The following PIK3C2G variants were observed in gnomAD, a reference collection of about 807,000 sequenced individuals.
PIK3C2G encodes the protein phosphatidylinositol-4-phosphate 3-kinase catalytic subunit type 2 gamma, also known as phosphatidylinositol 3-kinase C2 domain-containing subunit gamma.
Under a neutral mutation model 181.1 loss-of-function variants are expected in PIK3C2G, and 168 were observed. The observed-to-expected ratio is 0.93, with a 90% confidence interval of 0.82 to 1.05. The LOEUF (loss-of-function observed/expected upper bound fraction) is 1.05. Among genes scored for constraint, PIK3C2G ranks in the 50% least tolerant of loss-of-function variants. The pLI, the probability that PIK3C2G is intolerant of heterozygous loss-of-function variation, is 0.00. For missense variants in PIK3C2G, 1,869 were observed against 1,732.8 expected, an observed-to-expected ratio of 1.08 and a Z score of -1.40; for synonymous variants, 573 against 592.2, an observed-to-expected ratio of 0.97 and a Z score of 0.47.
the PIK3C2G span, among the ~76,000 whole-genome samples, chr12:18,690,756 G>C: frequency 4.6e-5 from 7 of 152,196 alleles, no homozygotes; most frequent in South Asian, 1.5e-3. Flanking sequence ...GGCAGGTAAG[G>C]CTGAAAGAAT....
intron 31 of PIK3C2G, among the ~76,000 whole-genome samples, chr12:18,624,982 A>G (rs978331952): frequency 6.6e-6 from 1 of 151,576 alleles, no homozygotes; most frequent in East Asian, 1.9e-4. Flanking sequence ...TTAAAAGCCA[A>G]ACTCTGAGTT....
At chr12:18,721,850 G>A in the PIK3C2G span, among the ~76,000 whole-genome samples, 1 of 151,886 alleles carries the variant, frequency 6.6e-6, no homozygotes, top group Non-Finnish European at 1.5e-5. Context: ...TTGTCACTAA[G>A]ACTCAACTCA....
chr12:18,299,103 A>G (rs142633664), intron 5 of PIK3C2G, among the ~76,000 whole-genome samples: 63 of 152,062 alleles, frequency 4.1e-4, no homozygotes, highest in Middle Eastern at 6.8e-3. Context: ...TGGTAATTTG[A>G]TAAGAATTGC....
intron 5 of PIK3C2G, among the ~76,000 whole-genome samples, chr12:18,306,537 A>T (rs910469786): frequency 6.6e-6 from 1 of 152,106 alleles, no homozygotes; most frequent in South Asian, 2.1e-4. Flanking sequence ...TTGAGCACAA[A>T]ATCCAGGGCT....
At chr12:18,616,040 T>C (rs1350442601) in intron 31 of PIK3C2G, among the ~76,000 whole-genome samples, 3 of 152,066 alleles carry the variant, frequency 2.0e-5, no homozygotes, top group Non-Finnish European at 4.4e-5. Flanking sequence ...CATACATCTA[T>C]TTACCTTCTA....
the PIK3C2G span, chr12:18,693,348 G>T: frequency 6.3e-7 from 1 of 1,590,314 alleles, no homozygotes; most frequent in Non-Finnish European, 8.6e-7. Flanking sequence ...TGGGGGGTTG[G>T]ACAACCAAAT....
chr12:18,723,531 C>A, the PIK3C2G span: 1 of 1,611,768 alleles, frequency 6.2e-7, no homozygotes, highest in Non-Finnish European at 8.5e-7. Flanking sequence ...CTTGTTTCAG[C>A]CTGTCATTGT....
intron 24 of PIK3C2G, among the ~76,000 whole-genome samples, chr12:18,513,104 C>T (rs539848126): frequency 5.3e-5 from 8 of 151,588 alleles, no homozygotes; most frequent in Admixed American, 1.3e-4. Flanking sequence ...ATTTATTAAT[C>T]TGGGTATGTT....
At chr12:18,594,855 A>C (rs1372124972) in intron 30 of PIK3C2G, among the ~76,000 whole-genome samples, 1 of 152,100 alleles carries the variant, frequency 6.6e-6, no homozygotes, top group African/African-American at 2.4e-5. Context: ...TCAAGAAATT[A>C]AATTGCAGAC....
At chr12:18,289,607 G>A (rs983476471) in intron 3 of PIK3C2G, among the ~76,000 whole-genome samples, 6 of 152,112 alleles carry the variant, frequency 3.9e-5, no homozygotes, top group African/African-American at 7.2e-5. Flanking sequence ...AGCTTACTTG[G>A]AAAATTGTTA....
At chr12:18,522,130 C>G (rs1045729192) in intron 24 of PIK3C2G, among the ~76,000 whole-genome samples, 5 of 152,210 alleles carry the variant, frequency 3.3e-5, no homozygotes, top group Admixed American at 2.6e-4. Flanking sequence ...AGGATTTGCA[C>G]ACTGTTATGG....
intron 24 of PIK3C2G, among the ~76,000 whole-genome samples, chr12:18,515,119 G>A (rs1942450983): frequency 1.3e-5 from 2 of 151,882 alleles, no homozygotes; most frequent in African/African-American, 4.8e-5. Flanking sequence ...TTTTTAATGT[G>A]TTGTTGAATT....
downstream of PIK3C2G, among the ~76,000 whole-genome samples, chr12:18,650,663 A>AAT (rs1159192593): frequency 0.11 from 5,337 of 50,752 alleles, 323 homozygotes; most frequent in African/African-American, 0.19. Context: ...CTGGAATATA[A>AAT]ATGTGTGTGT....
intron 26 of PIK3C2G, among the ~76,000 whole-genome samples, chr12:18,547,513 G>C (rs1190879948): frequency 1.3e-5 from 2 of 151,988 alleles, no homozygotes; most frequent in African/African-American, 4.8e-5. Flanking sequence ...CTGAGATACA[G>C]AGAATTGTCT....
chr12:18,371,406 A>C (rs1942051675), intron 13 of PIK3C2G, 95 bp downstream of exon 13: 1 of 1,021,190 alleles, frequency 9.8e-7, no homozygotes, highest in Admixed American at 3.1e-5. Context: ...GAGGAAATCA[A>C]GACATTTTAT....
At chr12:18,436,615 A>T (rs933829049) in intron 18 of PIK3C2G, among the ~76,000 whole-genome samples, 3 of 151,982 alleles carry the variant, frequency 2.0e-5, no homozygotes, top group African/African-American at 7.2e-5. Context: ...GAATAAAAAT[A>T]ATCACACCAC....
chr12:18,498,806 T>C (rs926659625), intron 22 of PIK3C2G, among the ~76,000 whole-genome samples: 4 of 152,232 alleles, frequency 2.6e-5, no homozygotes, highest in African/African-American at 9.6e-5. Context: ...ACAGGGCTCC[T>C]ACTTCCATGC....
intron 1 of PIK3C2G, among the ~76,000 whole-genome samples, chr12:18,268,408 T>G (rs1485873683): frequency 6.6e-6 from 1 of 151,300 alleles, no homozygotes; most frequent in Non-Finnish European, 1.5e-5. Context: ...TTATTATTAT[T>G]CTAAGATTAG....
Position 18,387,188 on chromosome 12 carries a change from G to A in PIK3C2G, c.1996-3934G>A, listed in dbSNP as rs114206011. Among the ~76,000 whole-genome samples the A allele has an allele frequency of 2.8e-3, 431 of 151,352 alleles. 4 individuals are homozygous for A. Among genetic ancestry groups the A allele is most frequent in the African/African-American group, 9.0e-3 (369 of 41,168 alleles). On this transcript the variant is annotated intron_variant, in intron 14 of 32. Coordinates refer to ENST00000538779, the MANE Select transcript of PIK3C2G (RefSeq NM_001288772.2). ...CCAATTTATATTCTATATTTTTATT[G>A]TCTATCCTCTCAATTCCTCACCTCA...
Sources: allele counts gnomAD v4.1 joint callset (sites outside exome capture counted in the v4.1 genomes callset), GRCh38; gene constraint gnomAD v4.1.1; transcripts MANE v1.5; gene names NCBI Gene and HGNC (gene_info 2026-07-23, HGNC 2026-07-21).